CES5A: variants seen among roughly 807,000 people sequenced by gnomAD.
CES5A encodes carboxylesterase 5.
Under a neutral mutation model 62.9 loss-of-function variants are expected in CES5A, and 67 were observed. That is an observed-to-expected ratio of 1.07 (90% CI 0.88 to 1.31). The LOEUF is 1.31. Among genes scored for constraint, CES5A ranks in the 50% most tolerant of loss-of-function variants. The pLI is 0.00. For missense variants in CES5A, 748 were observed against 708.5 expected (o/e 1.06, Z -0.63); for synonymous variants, 296 against 280.8 (o/e 1.05, Z -0.54).
intron 1 of CES5A, among the ~76,000 whole-genome samples, chr16:55,884,577 A>AC (rs1951274542): frequency 6.8e-6 from 1 of 147,502 alleles, no homozygotes; most frequent in Non-Finnish European, 1.5e-5. Flanking sequence ...GGGCCACCCC[A>AC]CAACCACCAC....
rs753666614 is a variant in CES5A, at chr16:55,871,699, A to T, written c.343T>A (p.Phe115Ile). ...QHMLKVHYPKFGVSEDCLYLN... is the reference protein window; with the variant it reads ...QHMLKVHYPKIGVSEDCLYLN... ...TAGAGGCAGTCTTCTGACACTCCGA[A>T]TTTCGGGTAATGCACCTTGAGCATA... The change falls in exon 3 of 13, where the codon TTC (phenylalanine) becomes ATC (isoleucine). Residue 115 changes from phenylalanine to isoleucine, a missense_variant. Transcript: ENST00000290567. 16 of 1,613,948 alleles carry T rather than the reference A, an allele frequency of 9.9e-6. No individual in the cohort carries two copies. Among genetic ancestry groups the T allele is most frequent in the Non-Finnish European group, 1.2e-5 (14 of 1,180,016 alleles).
chr16:55,848,161 T>C (rs4784593), intron 11 of CES5A, among the ~76,000 whole-genome samples: 127,921 of 152,142 alleles, frequency 0.84, 53,794 homozygotes, highest in East Asian at 0.89. Flanking sequence ...GACTGGAGTT[T>C]AGGGCCATGA....
intron 9 of CES5A, among the ~76,000 whole-genome samples, chr16:55,854,095 T>C (rs1156821996): frequency 6.6e-6 from 1 of 152,154 alleles, no homozygotes; most frequent in African/African-American, 2.4e-5. Flanking sequence ...GTGCTGGTGA[T>C]GTCCAAGGTG....
intron 2 of CES5A, among the ~76,000 whole-genome samples, chr16:55,943,259 T>A (rs527671862): frequency 2.0e-5 from 3 of 152,348 alleles, no homozygotes; most frequent in South Asian, 2.1e-4. Flanking sequence ...CTCCATGTAA[T>A]CTTCTCATCA....
upstream of CES5A, among the ~76,000 whole-genome samples, chr16:55,876,407 T>C (rs2033694386): frequency 6.6e-6 from 1 of 152,246 alleles, no homozygotes; most frequent in Admixed American, 6.5e-5. Context: ...TAGCAACCAT[T>C]ACAACGAAAG....
At chr16:55,908,551 G>A (rs1684102348) in intron 1 of CES5A, among the ~76,000 whole-genome samples, 1 of 152,052 alleles carries the variant, frequency 6.6e-6, no homozygotes, top group South Asian at 2.1e-4. Context: ...GTAGAGACAG[G>A]GTTTCTCCAT....
In CES5A at chr16:55,869,592, A is replaced by G; in HGVS notation, c.551+19T>C. On this transcript the variant is annotated intron_variant, in intron 4 of 12. Transcript: ENST00000290567. ...TGCCCTTTGGGGATCTGGGATGTCC[A>G]TCATTTGGAGAGACTCACGTGAAGA... The G allele has an allele frequency of 1.9e-6, 3 of 1,612,278 alleles. No individual in the cohort carries two copies. The highest frequency in any genetic ancestry group is 1.1e-5 in the South Asian group (1 of 90,670).
At chr16:55,861,378 AGC>A (rs776842377) in intron 7 of CES5A, 32 bp downstream of exon 7, 20 of 1,242,854 alleles carry the variant, frequency 1.6e-5, no homozygotes, top group Non-Finnish European at 2.0e-5. Context: ...TCGAAGGGCA[AGC>A]CTGCCCCCAA....
At chr16:55,872,854 C>T (rs951517801) in intron 2 of CES5A, among the ~76,000 whole-genome samples, 1 of 152,144 alleles carries the variant, frequency 6.6e-6, no homozygotes, top group Non-Finnish European at 1.5e-5. Flanking sequence ...TACGTTCCTG[C>T]CACCATCACC....
chr16:55,875,997 A>G (rs1597130254), upstream of CES5A, among the ~76,000 whole-genome samples: 1 of 152,168 alleles, frequency 6.6e-6, no homozygotes, highest in Admixed American at 6.5e-5. Context: ...TTAAAATCCA[A>G]TTTAACTGCC....
chr16:55,934,331 G>T (rs1229322085), intron 2 of CES5A, among the ~76,000 whole-genome samples: 1 of 152,172 alleles, frequency 6.6e-6, no homozygotes, highest in African/African-American at 2.4e-5. Context: ...TAGACATTCA[G>T]TTAGTATTTG....
At position 55,846,330 on chromosome 16, in the gene CES5A, G is replaced by C; in HGVS notation, c.*121C>G. The C allele has an allele frequency of 1.4e-6, 1 of 732,294 alleles. No homozygotes were observed. Among genetic ancestry groups the C allele is most frequent in the Non-Finnish European group, 2.3e-6 (1 of 438,660 alleles). The allele number at this position is 732,294 out of a possible 1,614,324, so 45.4% of individuals were successfully genotyped here. A position where few individuals can be genotyped will look rare whatever the true frequency, so the allele number is the denominator to read the frequency against. On this transcript the variant is annotated 3_prime_UTR_variant, in exon 13 of 13. Coordinates refer to ENST00000290567, the MANE Select transcript of CES5A (RefSeq NM_001143685.2). ...TCATTCCTAAGTCCATAAAATATCA[G>C]CGAAAGCAGCTTGTTTTGCAAGGAT...
intron 1 of CES5A, among the ~76,000 whole-genome samples, chr16:55,895,261 G>A (rs894400558): frequency 6.6e-6 from 1 of 152,140 alleles, no homozygotes; most frequent in South Asian, 2.1e-4. Context: ...TGACTACTAA[G>A]CTAACCAAAG....
intron 1 of CES5A, among the ~76,000 whole-genome samples, chr16:55,890,695 C>T (rs2033867545): frequency 6.6e-6 from 1 of 152,036 alleles, no homozygotes. Flanking sequence ...AGGCTTATTC[C>T]TGGTGAGGAC....
At chr16:55,849,964 A>G (rs934912191) in intron 10 of CES5A, among the ~76,000 whole-genome samples, 191 bp from the exon 11 acceptor site, 7 of 152,202 alleles carry the variant, frequency 4.6e-5, no homozygotes, top group African/African-American at 1.7e-4. Context: ...AGTGATGAAG[A>G]GCTCACGTCT....
chr16:55,877,448 ATATG>A (rs1165876957), upstream of CES5A, among the ~76,000 whole-genome samples: 1 of 129,758 alleles, frequency 7.7e-6, no homozygotes, highest in South Asian at 2.6e-4. Flanking sequence ...GTGTGTATAT[ATATG>A]TATGTGTGTG....
intron 2 of CES5A, among the ~76,000 whole-genome samples, chr16:55,939,947 G>A (rs1345054966): frequency 6.6e-6 from 1 of 151,514 alleles, no homozygotes; most frequent in Non-Finnish European, 1.5e-5. Flanking sequence ...GAAGCCCCAA[G>A]AAATATGAGA....
chr16:55,953,461 G>C (rs2034578821), intron 1 of CES5A, among the ~76,000 whole-genome samples: 1 of 152,024 alleles, frequency 6.6e-6, no homozygotes, highest in Non-Finnish European at 1.5e-5. Flanking sequence ...AAGTTGACTA[G>C]ATATAAAATC....
intron 1 of CES5A, among the ~76,000 whole-genome samples, chr16:55,950,117 A>G (rs2034539025): frequency 6.6e-6 from 1 of 152,184 alleles, no homozygotes. Flanking sequence ...GACTGAAGAA[A>G]GAAACCACAT....
Sources: allele counts gnomAD v4.1 joint callset (sites outside exome capture counted in the v4.1 genomes callset), GRCh38; gene constraint gnomAD v4.1.1; transcripts MANE v1.5; gene names NCBI Gene and HGNC (gene_info 2026-07-23, HGNC 2026-07-21).